CLASP2: variants seen among roughly 807,000 people sequenced by gnomAD.
The protein encoded by CLASP2 is cytoplasmic linker associated protein 2, also known as CLIP-associating protein 2.
In CLASP2, 47 loss-of-function variants were observed where a neutral mutation model predicts 194.4. That is an observed-to-expected ratio of 0.24 (90% CI 0.19 to 0.31). The LOEUF (loss-of-function observed/expected upper bound fraction) is 0.31, where lower values mean the gene tolerates loss of function less well. CLASP2 is among the 10% of genes least tolerant of loss of function. The pLI is 1.00. For synonymous variants in CLASP2, 619 were observed against 633.5 expected (o/e 0.98, Z 0.34); for missense variants, 1,445 against 1,823.6 (o/e 0.79, Z 3.78).
intron 12 of CLASP2, among the ~76,000 whole-genome samples, chr3:33,616,228 G>A (rs2076139175): frequency 6.6e-6 from 1 of 152,124 alleles, no homozygotes; most frequent in Admixed American, 6.5e-5. Flanking sequence ...AGCTTCTTGG[G>A]AGGCTGAGGC....
At chr3:33,606,313 G>C (rs1340242478) in intron 16 of CLASP2, among the ~76,000 whole-genome samples, 3 of 151,978 alleles carry the variant, frequency 2.0e-5, no homozygotes, top group African/African-American at 7.3e-5. Flanking sequence ...TACTGTTTTT[G>C]TGGTATTAAA....
At chr3:33,625,156 C>T (rs1026689918) in intron 10 of CLASP2, among the ~76,000 whole-genome samples, 4 of 125,830 alleles carry the variant, frequency 3.2e-5, no homozygotes, top group African/African-American at 6.2e-5. Flanking sequence ...ACTGAAAATC[C>T]ATCAAATGGT....
Position 33,704,702 on chromosome 3 carries a change from G to A in CLASP2, c.196-7769C>T, listed in dbSNP as rs183499890. On this transcript the variant is annotated intron_variant, in intron 1 of 38. Transcript: ENST00000682230. Reference sequence around the variant, plus strand: ...TGGGAGGTGGAGGTTGCAGTGAGCCGAGATTGCACCACTGCACTCCAGCTT... The same window carrying A: ...TGGGAGGTGGAGGTTGCAGTGAGCCAAGATTGCACCACTGCACTCCAGCTT... Among the ~76,000 whole-genome samples the A allele has an allele frequency of 1.2e-3, 189 of 152,124 alleles. 1 individual carries two copies. The highest frequency in any genetic ancestry group is 2.3e-3 in the Non-Finnish European group (156 of 67,984).
chr3:33,580,033 A>G (rs915798772), intron 23 of CLASP2, among the ~76,000 whole-genome samples: 6 of 152,210 alleles, frequency 3.9e-5, no homozygotes, highest in African/African-American at 7.2e-5. Flanking sequence ...AACTAAAAAT[A>G]TCTCTGACAA....
chr3:33,684,680 T>A (rs1181693371), intron 5 of CLASP2, among the ~76,000 whole-genome samples: 1 of 152,158 alleles, frequency 6.6e-6, no homozygotes, highest in Non-Finnish European at 1.5e-5. Context: ...AACTTGTCAA[T>A]AAAAGTTACT....
chr3:33,673,939 A>T (rs936501746), intron 6 of CLASP2, among the ~76,000 whole-genome samples: 6 of 151,310 alleles, frequency 4.0e-5, no homozygotes, highest in African/African-American at 1.5e-4. Context: ...CCAGATTCAT[A>T]AAGAAAGTCC....
intron 6 of CLASP2, among the ~76,000 whole-genome samples, chr3:33,673,647 C>G (rs1286349400): frequency 5.3e-5 from 8 of 152,126 alleles, no homozygotes; most frequent in African/African-American, 1.7e-4. Flanking sequence ...CACAGACTGG[C>G]AAACTGGATA....
At chr3:33,542,619 T>C (rs1003540554) in intron 32 of CLASP2, among the ~76,000 whole-genome samples, 9 of 150,298 alleles carry the variant, frequency 6.0e-5, no homozygotes, top group African/African-American at 2.2e-4. Flanking sequence ...ATATATGACA[T>C]GTTATATATG....
At chr3:33,594,048 C>T (rs866025824) in intron 20 of CLASP2, among the ~76,000 whole-genome samples, 1 of 152,072 alleles carries the variant, frequency 6.6e-6, no homozygotes, top group South Asian at 2.1e-4. Context: ...CTCACTATGT[C>T]GTCCAAGCTG....
Position 33,535,401 on chromosome 3 carries a change from G to T in CLASP2, c.3619C>A (p.Gln1207Lys). 1 of 1,613,954 alleles carries T rather than the reference G, an allele frequency of 6.2e-7. No individual in the cohort carries two copies. Among genetic ancestry groups the T allele is most frequent in the South Asian group, 1.1e-5 (1 of 91,060 alleles). The change falls in exon 34 of 39, where the codon CAA (glutamine) becomes AAA (lysine). Residue 1207 changes from glutamine to lysine, a missense_variant. This residue lies in a region of CLASP2 where 732 missense variants were observed against 987.9 expected (regional missense o/e 0.74). Transcript: ENST00000682230. ...RAGGDATDSS[Q>K]TALDNKASLL... ...GAAGCTTTATTATCAAGAGCTGTTT[G>T]ACTTGAGTCAGTAGCATCACCTCCT...
chr3:33,516,226 T>C (rs112733751), intron 35 of CLASP2, 75 bp from the exon 36 acceptor site: 32,751 of 1,395,220 alleles, frequency 0.023, 437 homozygotes, highest in South Asian at 0.028. Context: ...TTTTGTAACT[T>C]AAGGGTCTTA....
In CLASP2 at chr3:33,602,838, T is replaced by A. The variant is rs1297932498; in HGVS notation, c.1924+114A>T. Reference sequence around the variant, plus strand: ...CGCAATATAGAATTATATTAAAACATATGGACTATCCTTAAATAACAAGAA... The same window carrying A: ...CGCAATATAGAATTATATTAAAACAAATGGACTATCCTTAAATAACAAGAA... On this transcript the variant is annotated intron_variant, in intron 18 of 38. Transcript: ENST00000682230. The A allele has an allele frequency of 2.7e-6, 3 of 1,091,742 alleles. No homozygotes were observed. In the Admixed American group the frequency reaches 6.0e-5, roughly 22 times the overall value. 67.6% of individuals were successfully genotyped at this position (1,091,742 alleles called of 1,614,324 possible).
At chr3:33,555,622 T>A (rs775839915) in intron 29 of CLASP2, among the ~76,000 whole-genome samples, 13 of 152,256 alleles carry the variant, frequency 8.5e-5, no homozygotes, top group Non-Finnish European at 1.9e-4. Context: ...CCCACCTTGG[T>A]CTCCCAAAGT....
intron 9 of CLASP2, among the ~76,000 whole-genome samples, chr3:33,630,371 G>T (rs1211683198): frequency 2.6e-5 from 4 of 152,126 alleles, no homozygotes; most frequent in Non-Finnish European, 5.9e-5. Flanking sequence ...AGGCAGCACT[G>T]GAATGTTGTC....
intron 7 of CLASP2, among the ~76,000 whole-genome samples, chr3:33,660,249 C>T (rs977398380): frequency 1.3e-5 from 2 of 152,180 alleles, no homozygotes; most frequent in East Asian, 3.9e-4. Context: ...CAGGGGGTCT[C>T]CAACTTTCAG....
At chr3:33,664,286 A>G (rs1000565634) in intron 6 of CLASP2, among the ~76,000 whole-genome samples, 2 of 151,576 alleles carry the variant, frequency 1.3e-5, no homozygotes, top group African/African-American at 2.4e-5. Context: ...CTTTTTTTTT[A>G]GTTTGCTTTT....
In CLASP2 at chr3:33,535,347, A is replaced by G; in HGVS notation, c.3673T>C (p.Ser1225Pro). ...SLLHSMPTHSSPRSRDYNPYN... is the reference protein window; with the variant it reads ...SLLHSMPTHSPPRSRDYNPYN... Reference sequence around the variant, plus strand: ...GGATTATAGTCTCGAGAGCGTGGAGAGGAGTGAGTAGGCATTGAATGGAGC... The same window carrying G: ...GGATTATAGTCTCGAGAGCGTGGAGGGGAGTGAGTAGGCATTGAATGGAGC... The change falls in exon 34 of 39, where the codon TCT becomes CCT. Residue 1225 changes from serine to proline, a missense_variant. Ser to Pro is a moderately conservative substitution (Grantham distance 74, BLOSUM62 -1). This residue lies in a region of CLASP2 where 732 missense variants were observed against 987.9 expected (regional missense o/e 0.74). Transcript: ENST00000682230. 1 of 1,613,862 alleles carries G rather than the reference A, an allele frequency of 6.2e-7. No homozygotes were observed. Among genetic ancestry groups the G allele is most frequent in the Non-Finnish European group, 8.5e-7 (1 of 1,179,850 alleles).
intron 4 of CLASP2, 41 bp downstream of exon 4, chr3:33,688,232 GAAAT>G (rs1252689078): frequency 1.4e-6 from 2 of 1,414,258 alleles, no homozygotes; most frequent in South Asian, 2.7e-5. Flanking sequence ...TTTTTTTAGA[GAAAT>G]AAAAAACAAG....
intron 34 of CLASP2, among the ~76,000 whole-genome samples, chr3:33,523,081 C>T (rs191207861): frequency 1.3e-5 from 2 of 151,980 alleles, no homozygotes; most frequent in African/African-American, 4.8e-5. Flanking sequence ...ATCTCAAAAA[C>T]AAAAAACAAA....
Sources: allele counts gnomAD v4.1 joint callset (sites outside exome capture counted in the v4.1 genomes callset), GRCh38; gene constraint gnomAD v4.1.1; regional missense constraint gnomAD v4.1.1; transcripts MANE v1.5; gene names NCBI Gene and HGNC (gene_info 2026-07-23, HGNC 2026-07-21).